Variants in ACSS3 observed in about 807,000 individuals in gnomAD.
ACSS3 encodes acyl-CoA synthetase short chain family member 3, also known as acyl-CoA synthetase short-chain family member 3, mitochondrial.
In ACSS3, 64 loss-of-function variants were observed where a neutral mutation model predicts 84.2. The ratio of observed to expected loss-of-function variants is 0.76; its 90% CI spans 0.62 to 0.94. The LOEUF (loss-of-function observed/expected upper bound fraction) is 0.94. Among genes scored for constraint, ACSS3 ranks in the 40% least tolerant of loss-of-function variants. ACSS3 has a pLI of 0.00. For missense variants in ACSS3, 815 were observed against 867.6 expected, an observed-to-expected ratio of 0.94 and a Z score of 0.76; for synonymous variants, 317 against 310.1, an observed-to-expected ratio of 1.02 and a Z score of -0.23.
At chr12:81,184,620 T>C in intron 8 of ACSS3, among the ~76,000 whole-genome samples, 1 of 151,612 alleles carries the variant, frequency 6.6e-6, no homozygotes, top group Non-Finnish European at 1.5e-5. Context: ...ATAAAGAGGA[T>C]CGTAAGGGAA....
At chr12:81,244,620 A>G (rs1168703684) in intron 13 of ACSS3, among the ~76,000 whole-genome samples, 1 of 152,154 alleles carries the variant, frequency 6.6e-6, no homozygotes, top group Non-Finnish European at 1.5e-5. Context: ...ATCCTCAAGC[A>G]CCAAGATTCT....
intron 5 of ACSS3, among the ~76,000 whole-genome samples, chr12:81,151,202 T>A (rs559796745): frequency 6.6e-6 from 1 of 152,180 alleles, no homozygotes; most frequent in East Asian, 1.9e-4. Context: ...TTTACTACAA[T>A]GATATAATGA....
rs767621454 is a variant in ACSS3, at chr12:81,139,244, C to T, written c.759C>T (p.Leu253=). 2.9e-5 allele frequency: 47 copies of T among 1,613,758 alleles called. No individual in the cohort carries two copies. Among genetic ancestry groups the T allele is most frequent in the Non-Finnish European group, 3.6e-5 (43 of 1,179,912 alleles). ...KIGQHKPDKI[L]IYNRPNMEAV... ...GACAACACAAACCAGACAAAATTCT[C>T]ATTTATAATCGTCCAAATATGGTAA... Residue 253 remains leucine (L), a synonymous_variant, in exon 4 of 16, where the codon CTC becomes CTT. Transcript: ENST00000548058.
chr12:81,154,031 T>C (rs1886747919), intron 7 of ACSS3, among the ~76,000 whole-genome samples: 2 of 152,358 alleles, frequency 1.3e-5, no homozygotes, highest in Admixed American at 6.5e-5. Flanking sequence ...TTTTATATCT[T>C]GCATACTGAA....
chr12:81,109,103 A>C (rs1240267932), intron 1 of ACSS3, among the ~76,000 whole-genome samples: 1 of 152,136 alleles, frequency 6.6e-6, no homozygotes, highest in Non-Finnish European at 1.5e-5. Flanking sequence ...AAATACTTAT[A>C]GCTCTTTCAG....
intron 11 of ACSS3, among the ~76,000 whole-genome samples, chr12:81,223,308 C>T (rs1017626966): frequency 1.3e-5 from 2 of 151,988 alleles, no homozygotes; most frequent in Non-Finnish European, 2.9e-5. Flanking sequence ...GTGGCTTTTA[C>T]TTTAGTGCCT....
At chr12:81,198,536 C>A (rs538353544) in intron 8 of ACSS3, among the ~76,000 whole-genome samples, 136 of 150,236 alleles carry the variant, frequency 9.1e-4, no homozygotes, top group African/African-American at 3.2e-3. Context: ...ACTCTTTGAA[C>A]ACACACACAC....
At chr12:81,192,263 C>T (rs889602903) in intron 8 of ACSS3, among the ~76,000 whole-genome samples, 1 of 152,058 alleles carries the variant, frequency 6.6e-6, no homozygotes, top group African/African-American at 2.4e-5. Context: ...TGCCTGTAAT[C>T]CCAGCTACTT....
rs77803990 is a variant in ACSS3, at chr12:81,128,629, G to A, written c.457-6187G>A. 8.5e-5 allele frequency among the ~76,000 whole-genome samples: 13 copies of A among 152,206 alleles called. No homozygotes were observed. In the East Asian group the frequency reaches 2.5e-3, roughly 29 times the overall value. ...AAGATGAATGTGAATTGGGTGAACG[G>A]CACATGGTTAACTTTTCTTCAGTTG... On this transcript the variant is annotated intron_variant, in intron 2 of 15. Transcript: ENST00000548058.
chr12:81,213,870 T>TC (rs2032757127), intron 9 of ACSS3, among the ~76,000 whole-genome samples: 2 of 75,988 alleles, frequency 2.6e-5, no homozygotes, highest in African/African-American at 4.0e-5. Context: ...CTTCCTTTCT[T>TC]TCTTTCTTTC....
chr12:81,195,273 G>A (rs1565714473), intron 8 of ACSS3, among the ~76,000 whole-genome samples: 1 of 151,792 alleles, frequency 6.6e-6, no homozygotes, highest in African/African-American at 2.4e-5. Flanking sequence ...TAAAAACATG[G>A]CACTACTTTT....
chr12:81,228,100 T>C (rs1333942688), intron 11 of ACSS3, among the ~76,000 whole-genome samples: 4 of 151,892 alleles, frequency 2.6e-5, no homozygotes, highest in African/African-American at 9.7e-5. Context: ...ATGATTAGGA[T>C]GACCTATTTT....
At chr12:81,188,381 T>G (rs2031388167) in intron 8 of ACSS3, among the ~76,000 whole-genome samples, 1 of 152,068 alleles carries the variant, frequency 6.6e-6, no homozygotes, top group Admixed American at 6.6e-5. Flanking sequence ...GAGGTATATA[T>G]ACAGAAAAGA....
chr12:81,078,860 C>T (rs578068237), intron 1 of ACSS3, among the ~76,000 whole-genome samples: 1 of 152,154 alleles, frequency 6.6e-6, no homozygotes, highest in Non-Finnish European at 1.5e-5. Context: ...TCAATAAAAT[C>T]GCACCCCATA....
At chr12:81,168,629 C>T (rs1326075785) in intron 7 of ACSS3, among the ~76,000 whole-genome samples, 1 of 152,134 alleles carries the variant, frequency 6.6e-6, no homozygotes, top group East Asian at 1.9e-4. Context: ...GTCAGTTGTA[C>T]TCAGGGTGCT....
At chr12:81,134,198 G>A (rs1038943904) in intron 2 of ACSS3, among the ~76,000 whole-genome samples, 2 of 152,102 alleles carry the variant, frequency 1.3e-5, no homozygotes, top group African/African-American at 4.8e-5. Flanking sequence ...CGGAAGACCT[G>A]TGATCGTGTC....
intron 9 of ACSS3, among the ~76,000 whole-genome samples, chr12:81,212,183 T>A (rs991088578): frequency 6.6e-6 from 1 of 152,184 alleles, no homozygotes; most frequent in South Asian, 2.1e-4. Context: ...CACCACACAT[T>A]TTACTCTTGT....
At chr12:81,231,277 G>A in intron 12 of ACSS3, 139 bp downstream of exon 12, 3 of 628,804 alleles carry the variant, frequency 4.8e-6, no homozygotes, top group Non-Finnish European at 8.0e-6. Flanking sequence ...CCAGCTCCCA[G>A]GGATAAGAAT....
chr12:81,178,779 G>A (rs938360202), intron 8 of ACSS3, among the ~76,000 whole-genome samples: 16 of 152,074 alleles, frequency 1.1e-4, no homozygotes, highest in Non-Finnish European at 1.9e-4. Context: ...ACTTTTCACA[G>A]AAGTAGAAAA....
Sources: allele counts gnomAD v4.1 joint callset (sites outside exome capture counted in the v4.1 genomes callset), GRCh38; gene constraint gnomAD v4.1.1; transcripts MANE v1.5; gene names NCBI Gene and HGNC (gene_info 2026-07-23, HGNC 2026-07-21).